Variants in WWOX observed in about 807,000 individuals in gnomAD.
WWOX encodes the protein WW domain containing oxidoreductase, also known as WW domain-containing oxidoreductase.
In WWOX, 69 loss-of-function variants were observed where a neutral mutation model predicts 46.2. The observed-to-expected ratio is 1.49, with a 90% CI of 1.23 to 1.82. The LOEUF (loss-of-function observed/expected upper bound fraction) is 1.82, where lower values mean the gene tolerates loss of function less well. Among genes scored for constraint, WWOX ranks in the 40% most tolerant of loss-of-function variants. The probability of loss-of-function intolerance (pLI) is 0.00; values close to 1 mark genes in which losing one functional copy is unlikely to be tolerated. For synonymous variants in WWOX, 359 were observed against 202.6 expected (o/e 1.77, Z -6.56); for missense variants, 919 against 542.6 (o/e 1.69, Z -6.89).
intron 8 of WWOX, among the ~76,000 whole-genome samples, chr16:78,691,602 G>A: frequency 6.6e-6 from 1 of 152,156 alleles, no homozygotes; most frequent in South Asian, 2.1e-4. Flanking sequence ...CAGCTAACTG[G>A]GAGTCTGAGG....
At chr16:79,061,470 T>C (rs2048356329) in intron 8 of WWOX, among the ~76,000 whole-genome samples, 1 of 152,146 alleles carries the variant, frequency 6.6e-6, no homozygotes, top group Non-Finnish European at 1.5e-5. Flanking sequence ...TGTAAAGCAT[T>C]CAGATCTCTT....
intron 8 of WWOX, among the ~76,000 whole-genome samples, chr16:79,049,231 G>A (rs1259465176): frequency 6.6e-6 from 1 of 152,226 alleles, no homozygotes; most frequent in Non-Finnish European, 1.5e-5. Context: ...GGCTGTGGCT[G>A]TGTGCCAATT....
chr16:79,082,769 A>C (rs1233867878), intron 8 of WWOX, among the ~76,000 whole-genome samples: 1 of 152,142 alleles, frequency 6.6e-6, no homozygotes, highest in Non-Finnish European at 1.5e-5. Context: ...CGTGTAGGGA[A>C]GATGGGAGGG....
At chr16:78,241,335 T>G (rs1248241275) in intron 5 of WWOX, 3 of 152,416 alleles carry the variant, frequency 2.0e-5, no homozygotes, top group African/African-American at 7.2e-5. Context: ...CTTGGTCTGC[T>G]TCCTCCTGTT....
chr16:78,820,343 G>A (rs570621720), intron 8 of WWOX, among the ~76,000 whole-genome samples: 4 of 152,202 alleles, frequency 2.6e-5, no homozygotes, highest in Admixed American at 1.3e-4. Context: ...AACAGTGGAA[G>A]TGGTGCCCTG....
At chr16:79,065,945 A>G (rs986278396) in intron 8 of WWOX, among the ~76,000 whole-genome samples, 2 of 152,162 alleles carry the variant, frequency 1.3e-5, no homozygotes, top group African/African-American at 4.8e-5. Context: ...TACCTTAGAA[A>G]GTTTCATTAG....
At chr16:78,613,604 G>A (rs1006403023) in intron 8 of WWOX, among the ~76,000 whole-genome samples, 7 of 152,120 alleles carry the variant, frequency 4.6e-5, no homozygotes, top group Non-Finnish European at 7.4e-5. Context: ...CCTGAATTCC[G>A]GATTCAAGAT....
At position 78,099,758 on chromosome 16, in the gene WWOX, C is replaced by A. The variant is rs1220305885; in HGVS notation, c.-21C>A. 6.5e-7 allele frequency: 1 copy of A among 1,529,658 alleles called. No individual in the cohort carries two copies. The highest frequency in any genetic ancestry group is 1.2e-5 in the South Asian group (1 of 81,528). 94.8% of individuals were successfully genotyped at this position (1,529,658 alleles called of 1,614,324 possible). A position where few individuals can be genotyped will look rare whatever the true frequency, so the allele number is the denominator to read the frequency against. ...ACCCGGCAGCGGGCGATAGGGGGGC[C>A]AGGTGCCTCCACAGTCAGCCATGGC... On this transcript the variant is annotated 5_prime_UTR_variant, in exon 1 of 9. Coordinates refer to ENST00000566780, the MANE Select transcript of WWOX (RefSeq NM_016373.4).
chr16:78,417,549 G>A (rs1415005882), intron 6 of WWOX, among the ~76,000 whole-genome samples: 2 of 152,176 alleles, frequency 1.3e-5, no homozygotes, highest in Non-Finnish European at 2.9e-5. Context: ...CTGGAAAAGT[G>A]AGCAAAATAT....
At chr16:78,651,193 C>G (rs8063721) in intron 8 of WWOX, among the ~76,000 whole-genome samples, 8,908 of 152,324 alleles carry the variant, frequency 0.058, 319 homozygotes, top group Non-Finnish European at 0.079. Context: ...CACCACTGTA[C>G]AGCATCTTTA....
intron 8 of WWOX, among the ~76,000 whole-genome samples, chr16:78,730,773 T>C (rs948070810): frequency 2.0e-5 from 3 of 151,836 alleles, no homozygotes; most frequent in Non-Finnish European, 2.9e-5. Context: ...GAGAAATAAA[T>C]CTTTTAGGAA....
chr16:78,247,841 A>G (rs1260263771), intron 5 of WWOX, among the ~76,000 whole-genome samples: 1 of 152,130 alleles, frequency 6.6e-6, no homozygotes, highest in Non-Finnish European at 1.5e-5. Context: ...ACTTTACTGA[A>G]GATGTGAGGA....
chr16:78,735,734 C>G (rs1232357844), intron 8 of WWOX, among the ~76,000 whole-genome samples: 1 of 151,878 alleles, frequency 6.6e-6, no homozygotes, highest in African/African-American at 2.4e-5. Flanking sequence ...AATGATGGTA[C>G]CAATGGACTC....
intron 8 of WWOX, among the ~76,000 whole-genome samples, chr16:78,580,834 C>T (rs1473972677): frequency 1.3e-5 from 2 of 152,178 alleles, no homozygotes; most frequent in Non-Finnish European, 2.9e-5. Flanking sequence ...CTTCTCAACA[C>T]CTATGCCTCT....
At chr16:78,336,171 C>T (rs1184504699) in intron 5 of WWOX, among the ~76,000 whole-genome samples, 3 of 151,822 alleles carry the variant, frequency 2.0e-5, no homozygotes, top group Non-Finnish European at 4.4e-5. Context: ...TTGTCTTGGC[C>T]AATGAAATGA....
At chr16:78,928,737 C>T (rs1019562940) in intron 8 of WWOX, among the ~76,000 whole-genome samples, 1 of 152,048 alleles carries the variant, frequency 6.6e-6, no homozygotes, top group Admixed American at 6.6e-5. Context: ...TTTTATGGAC[C>T]TGCATTGCTG....
chr16:78,422,239 A>T (rs956504332), intron 6 of WWOX, among the ~76,000 whole-genome samples: 2 of 152,042 alleles, frequency 1.3e-5, no homozygotes, highest in African/African-American at 4.8e-5. Context: ...CTTTTGTTCC[A>T]CTGTTTTAGA....
intron 5 of WWOX, among the ~76,000 whole-genome samples, chr16:78,172,737 C>T (rs970487263): frequency 1.3e-5 from 2 of 152,112 alleles, no homozygotes; most frequent in Admixed American, 6.5e-5. Flanking sequence ...TGGCTCTGAA[C>T]CATCACTCCC....
In WWOX at chr16:78,505,088, C is replaced by A. The variant is rs185750344; in HGVS notation, c.1056+72336C>A. Among the ~76,000 whole-genome samples the A allele has an allele frequency of 4.7e-4, 72 of 152,136 alleles. 1 individual carries two copies. Among genetic ancestry groups the A allele is most frequent in the African/African-American group, 1.6e-3 (68 of 41,508 alleles). ...TTGTTCCTGAATTTTTCTGAGCCGC[C>A]GAAGCACAATAGGGTTTAGAGCGTT... On this transcript the variant is annotated intron_variant, in intron 8 of 8. Transcript: ENST00000566780.
Sources: allele counts gnomAD v4.1 joint callset (sites outside exome capture counted in the v4.1 genomes callset), GRCh38; gene constraint gnomAD v4.1.1; transcripts MANE v1.5; gene names NCBI Gene and HGNC (gene_info 2026-07-23, HGNC 2026-07-21).